TPRG1: variants seen among roughly 807,000 people sequenced by gnomAD.
TPRG1 encodes the protein tumor protein p63-regulated gene 1 protein.
TPRG1 carries 29 observed loss-of-function variants against 29.3 expected under a neutral mutation model. That is an observed-to-expected ratio of 0.99 (90% CI 0.74 to 1.35). The LOEUF is 1.35. Among genes scored for constraint, TPRG1 ranks in the 40% most tolerant of loss-of-function variants. TPRG1 has a pLI of 0.00. For synonymous variants in TPRG1, 130 were observed against 116.8 expected, an observed-to-expected ratio of 1.11 and a Z score of -0.73; for missense variants, 327 against 335.0, an observed-to-expected ratio of 0.98 and a Z score of 0.19.
At chr3:189,056,931 T>C (rs1715737165) in intron 4 of TPRG1, among the ~76,000 whole-genome samples, 2 of 152,148 alleles carry the variant, frequency 1.3e-5, no homozygotes, top group African/African-American at 4.8e-5. Flanking sequence ...GTTCATATGA[T>C]TTTTTTTCCA....
chr3:189,250,171 G>C (rs1202556846), intron 4 of TPRG1, among the ~76,000 whole-genome samples: 2 of 152,154 alleles, frequency 1.3e-5, no homozygotes, highest in East Asian at 3.9e-4. Flanking sequence ...CCTGTGGTTA[G>C]AGTGGGGAAG....
chr3:189,200,809 A>C (rs920986515), intron 1 of TPRG1, among the ~76,000 whole-genome samples: 2 of 152,172 alleles, frequency 1.3e-5, no homozygotes, highest in Non-Finnish European at 2.9e-5. Context: ...TTACTTGTAA[A>C]AGGTGGATGC....
chr3:189,017,443 T>C (rs1437403817), intron 3 of TPRG1, among the ~76,000 whole-genome samples: 1 of 152,076 alleles, frequency 6.6e-6, no homozygotes, highest in Non-Finnish European at 1.5e-5. Flanking sequence ...TGTGATCTCA[T>C]TGTTCAATTC....
chr3:189,221,863 C>T (rs1415714064), intron 3 of TPRG1, among the ~76,000 whole-genome samples: 2 of 152,210 alleles, frequency 1.3e-5, no homozygotes, highest in African/African-American at 4.8e-5. Context: ...ATTAAATGAC[C>T]TGCCGAAGGG....
intron 5 of TPRG1, among the ~76,000 whole-genome samples, chr3:189,319,239 C>G (rs1724010151): frequency 1.3e-5 from 2 of 152,078 alleles, no homozygotes; most frequent in Admixed American, 1.3e-4. Context: ...TAGACATGGA[C>G]TTTTTATCTG....
chr3:189,227,124 G>C (rs1031100352), intron 3 of TPRG1, among the ~76,000 whole-genome samples: 2 of 151,310 alleles, frequency 1.3e-5, no homozygotes, highest in African/African-American at 2.4e-5. Context: ...ACTAGCCTAG[G>C]CAACAGAGTG....
At chr3:189,117,840 T>G (rs1351945782) in intron 1 of TPRG1, among the ~76,000 whole-genome samples, 5 of 152,218 alleles carry the variant, frequency 3.3e-5, no homozygotes, top group African/African-American at 4.8e-5. Context: ...TCAATTAAAC[T>G]TCTTTATAAA....
chr3:189,152,800 A>G (rs202117422), intron 5 of TPRG1, among the ~76,000 whole-genome samples: 3,724 of 87,828 alleles, frequency 0.042, no homozygotes, highest in South Asian at 0.078. Context: ...TAGGATTGCT[A>G]CCTGCCATTA....
intron 4 of TPRG1, among the ~76,000 whole-genome samples, chr3:189,299,922 G>A (rs74648841): frequency 6.6e-6 from 1 of 152,190 alleles, no homozygotes; most frequent in African/African-American, 2.4e-5. Flanking sequence ...TACTCAAAAG[G>A]TTGTGTATCT....
chr3:189,197,250 T>C (rs1341740814), intron 1 of TPRG1, among the ~76,000 whole-genome samples: 2 of 152,102 alleles, frequency 1.3e-5, no homozygotes, highest in East Asian at 3.9e-4. Context: ...CATTGGTTGA[T>C]TTTTTTTATC....
intron 1 of TPRG1, among the ~76,000 whole-genome samples, chr3:189,105,341 G>A (rs192644558): frequency 6.6e-6 from 1 of 152,170 alleles, no homozygotes; most frequent in Admixed American, 6.5e-5. Flanking sequence ...GCCCTCAGAT[G>A]GAATGTAATC....
At chr3:189,011,446 A>G (rs1258566033) in intron 3 of TPRG1, among the ~76,000 whole-genome samples, 2 of 152,172 alleles carry the variant, frequency 1.3e-5, no homozygotes, top group African/African-American at 4.8e-5. Flanking sequence ...GCAATTTACA[A>G]AAGAAAGAAA....
chr3:189,092,733 C>A (rs1464325757), intron 4 of TPRG1, among the ~76,000 whole-genome samples: 1 of 151,992 alleles, frequency 6.6e-6, no homozygotes, highest in Non-Finnish European at 1.5e-5. Flanking sequence ...CCACTGTCAC[C>A]AAATGCTTAT....
intron 1 of TPRG1, among the ~76,000 whole-genome samples, chr3:189,195,880 C>T (rs1490603930): frequency 2.6e-5 from 4 of 152,158 alleles, no homozygotes; most frequent in Non-Finnish European, 5.9e-5. Context: ...CTGTGTTTAC[C>T]AGGGTTTCTG....
At chr3:189,205,120 G>A (rs921610004) in intron 1 of TPRG1, among the ~76,000 whole-genome samples, 3 of 152,142 alleles carry the variant, frequency 2.0e-5, no homozygotes, top group Admixed American at 2.0e-4. Context: ...CTATACTGGG[G>A]GCATGGTTGG....
intron 4 of TPRG1, among the ~76,000 whole-genome samples, chr3:189,086,631 G>A (rs557449551): frequency 1.0e-4 from 15 of 150,648 alleles, no homozygotes; most frequent in African/African-American, 3.7e-4. Flanking sequence ...GGATTCAAGT[G>A]ATTCTCCTGC....
upstream of TPRG1, among the ~76,000 whole-genome samples, chr3:189,168,390 T>C (rs1174746954): frequency 2.0e-5 from 3 of 152,224 alleles, no homozygotes; most frequent in African/African-American, 7.2e-5. Flanking sequence ...CTCTGAAATG[T>C]CACCTCTCTA....
chr3:189,274,528 G>A (rs1472332741), intron 4 of TPRG1, among the ~76,000 whole-genome samples: 2 of 152,088 alleles, frequency 1.3e-5, no homozygotes, highest in Non-Finnish European at 2.9e-5. Context: ...GGATTTGAAT[G>A]ACTCTTGTGT....
intron 5 of TPRG1, among the ~76,000 whole-genome samples, chr3:189,311,718 A>AGTTT (rs1416078694): frequency 9.9e-5 from 15 of 152,160 alleles, no homozygotes; most frequent in African/African-American, 3.6e-4. Context: ...TATTGACACT[A>AGTTT]AACTAGCTTG....
Sources: allele counts gnomAD v4.1 joint callset (sites outside exome capture counted in the v4.1 genomes callset), GRCh38; gene constraint gnomAD v4.1.1; transcripts MANE v1.5; gene names NCBI Gene and HGNC (gene_info 2026-07-23, HGNC 2026-07-21).